Variants in TMEM37 observed in about 807,000 individuals in gnomAD.
The protein encoded by TMEM37 is transmembrane protein 37.
In TMEM37, 12 loss-of-function variants were observed where a neutral mutation model predicts 11.0. That is an observed-to-expected ratio of 1.09 (90% CI 0.70 to 1.76). TMEM37 has a LOEUF of 1.76. Ranked by LOEUF, TMEM37 falls within the 40% of genes most tolerant of loss-of-function variation. The probability of loss-of-function intolerance (pLI) is 0.00; values close to 1 mark genes in which losing one functional copy is unlikely to be tolerated. For synonymous variants in TMEM37, 127 were observed against 110.5 expected (o/e 1.15, Z -0.94); for missense variants, 203 against 251.2 (o/e 0.81, Z 1.30).
In TMEM37 at chr2:119,437,232, G is replaced by A. The variant is rs1682518283; in HGVS notation, c.365G>A (p.Cys122Tyr). The A allele has an allele frequency of 6.2e-7, 1 of 1,614,134 alleles. No individual in the cohort carries two copies. The highest frequency in any genetic ancestry group is 8.5e-7 in the Non-Finnish European group (1 of 1,180,054). The stretch of plus-strand genomic sequence containing the variant: ...TTGTGCGAGGACAAACACTCACAGT[G>A]CAAGTGGGTCATGGGTTCCATCCTC... The part of the protein sequence containing the change: ...SQLCEDKHSQ[C>Y]KWVMGSILLL... Residue 122 changes from cysteine to tyrosine, a missense_variant, in exon 2 of 2, where the codon TGC (cysteine) becomes TAC (tyrosine). Coordinates refer to ENST00000306406, the MANE Select transcript of TMEM37 (RefSeq NM_183240.3).
upstream of TMEM37, among the ~76,000 whole-genome samples, chr2:119,431,715 C>T (rs1682397768): frequency 6.6e-6 from 1 of 152,252 alleles, no homozygotes. Context: ...TCAGCGTAAT[C>T]CGAGCCGCGG....
Position 119,437,329 on chromosome 2 carries a change from A to G in TMEM37, c.462A>G (p.Thr154=). Residue 154 remains threonine, a synonymous_variant, in exon 2 of 2, where the codon ACA becomes ACG. Coordinates refer to ENST00000306406, the MANE Select transcript of TMEM37 (RefSeq NM_183240.3). Reference sequence around the variant, plus strand: ...TGATCCTCCTCAGGAACCAAGTCACACTCATCGGCTTCACCCTAATGTTTT... The same window carrying G: ...TGATCCTCCTCAGGAACCAAGTCACGCTCATCGGCTTCACCCTAATGTTTT... ...GFVILLRNQV[T]LIGFTLMFWC... The G allele has an allele frequency of 6.2e-6, 10 of 1,614,014 alleles. No individual in the cohort carries two copies. The highest frequency in any genetic ancestry group is 7.6e-6 in the Non-Finnish European group (9 of 1,179,984).
chr2:119,437,345 C>T lies in TMEM37; in HGVS notation c.478C>T (p.Leu160=), dbSNP rs369241044. 3.7e-6 allele frequency: 6 copies of T among 1,614,154 alleles called. No homozygotes were observed. The highest frequency in any genetic ancestry group is 4.2e-6 in the Non-Finnish European group (5 of 1,180,060). ...CCAAGTCACACTCATCGGCTTCACC[C>T]TAATGTTTTGGTGCGAATTCACTGC... is the stretch of plus-strand genomic sequence containing the variant. ...RNQVTLIGFT[L]MFWCEFTASF... is the part of the protein sequence containing the mutation. The change falls in exon 2 of 2, where the codon CTA becomes TTA. Residue 160 remains leucine (L), a synonymous_variant. Coordinates refer to ENST00000306406, the MANE Select transcript of TMEM37 (RefSeq NM_183240.3).
At chr2:119,430,169 C>T (rs111689469), upstream of TMEM37, 1,030 of 635,940 alleles carry the variant, frequency 1.6e-3, 5 homozygotes, top group African/African-American at 0.015. Context: ...GTGGGGGCCA[C>T]GGAGGGAAGG....
rs1437731396 is a variant in TMEM37, at chr2:119,438,482, A to G, written c.*1042A>G. ...TGCCAGCACGTCTGTACTTCTGTTC[A>G]TTAAAGTGCTCCCTTTCTAGTCCTT... On this transcript the variant is annotated 3_prime_UTR_variant, in exon 2 of 2. Transcript: ENST00000306406. The G allele has an allele frequency of 2.0e-5, 3 of 152,228 alleles. No individual in the cohort carries two copies. The highest frequency in any genetic ancestry group is 3.9e-4 in the East Asian group (2 of 5,192). The allele number at this position is 152,228 out of a possible 1,614,324, so 9.4% of individuals were successfully genotyped here.
At chr2:119,436,362 C>T (rs776110878) in intron 1 of TMEM37, among the ~76,000 whole-genome samples, 8 of 152,232 alleles carry the variant, frequency 5.3e-5, no homozygotes, top group African/African-American at 1.2e-4. Context: ...CTGGGCTGAA[C>T]GTGGACAGCT....
chr2:119,434,424 CA>C (rs1321419560), intron 1 of TMEM37, among the ~76,000 whole-genome samples: 1 of 151,772 alleles, frequency 6.6e-6, no homozygotes, highest in Non-Finnish European at 1.5e-5. Flanking sequence ...CACAGGTTTT[CA>C]AAGTTTCCTT....
rs147714955 is a variant in TMEM37, at chr2:119,437,034, G to A, written c.167G>A (p.Arg56His). ...GGGCACTGGCTCCTGGCTGAGGACCGCCTCTTCGGGCTCTGGCACTTCTGC... is the reference window on the plus strand; with the variant it reads ...GGGCACTGGCTCCTGGCTGAGGACCACCTCTTCGGGCTCTGGCACTTCTGC... ...CDGHWLLAED[R>H]LFGLWHFCTT... Residue 56 changes from arginine (R) to histidine (H), a missense_variant, in exon 2 of 2, where the codon CGC becomes CAC. Transcript: ENST00000306406. 34 of 1,613,028 alleles carry A rather than the reference G, an allele frequency of 2.1e-5. No homozygotes were observed. Among genetic ancestry groups the A allele is most frequent in the Non-Finnish European group, 2.8e-5 (33 of 1,179,874 alleles).
rs183638730 is a variant in TMEM37 at position 119,436,583 on chromosome 2, C to T, written c.22-306C>T. ...ATGCAGGCACGACAGGTTTTCTGAA[C>T]TCAGAACTGACTCAGATTTGCCAGT... On this transcript the variant is annotated intron_variant, in intron 1 of 1. Coordinates refer to ENST00000306406, the MANE Select transcript of TMEM37 (RefSeq NM_183240.3). Among the ~76,000 whole-genome samples, 212 of 152,188 alleles carry T rather than the reference C, an allele frequency of 1.4e-3. 2 individuals are homozygous for T. Among genetic ancestry groups the T allele is most frequent in the African/African-American group, 4.8e-3 (200 of 41,534 alleles).
At chr2:119,433,944 T>C (rs146642348) in intron 1 of TMEM37, among the ~76,000 whole-genome samples, 3 of 152,294 alleles carry the variant, frequency 2.0e-5, no homozygotes, top group African/African-American at 7.2e-5. Flanking sequence ...GAGCGGCCCG[T>C]GTACCATGCA....
At chr2:119,432,276 T>G (rs1682417345) in intron 1 of TMEM37, 1 of 237,990 alleles carries the variant, frequency 4.2e-6, no homozygotes, top group Non-Finnish European at 8.0e-6. Flanking sequence ...GGGTCCCCCT[T>G]TGTGAGAAAT....
chr2:119,432,006 G>A (rs1035781930), intron 1 of TMEM37, 82 bp downstream of exon 1: 27 of 938,598 alleles, frequency 2.9e-5, no homozygotes, highest in Non-Finnish European at 3.5e-5. Flanking sequence ...AGGGAGGGGC[G>A]TACCCACCGC....
rs190253660 is a variant in TMEM37, at chr2:119,437,889, A to T, written c.*449A>T. On this transcript the variant is annotated 3_prime_UTR_variant, in exon 2 of 2. Coordinates refer to ENST00000306406, the MANE Select transcript of TMEM37 (RefSeq NM_183240.3). ...CTCCCAGGGTTGTTAAGAATGGATC[A>T]TTCTTCCAGCTAAGGGTCCAATCAG... 1 of 161,526 alleles carries T rather than the reference A, an allele frequency of 6.2e-6. No individual in the cohort carries two copies. Among genetic ancestry groups the T allele is most frequent in the African/African-American group, 2.5e-5 (1 of 40,024 alleles). 10.0% of individuals were successfully genotyped at this position (161,526 alleles called of 1,614,324 possible). A position where few individuals can be genotyped will look rare whatever the true frequency, so the allele number is the denominator to read the frequency against.
At position 119,436,877 on chromosome 2, in the gene TMEM37, G is replaced by T. The variant is rs762526994; in HGVS notation, c.22-12G>T. On this transcript the variant is annotated splice_polypyrimidine_tract_variant and intron_variant, in intron 1 of 1. Coordinates refer to ENST00000306406, the MANE Select transcript of TMEM37 (RefSeq NM_183240.3). ...CTGTGGCTGACAGGGTGCTTCCTACGGTTTTTTCCAGGCCCAGAGGCCTTT... is the reference window on the plus strand; with the variant it reads ...CTGTGGCTGACAGGGTGCTTCCTACTGTTTTTTCCAGGCCCAGAGGCCTTT... 6.2e-7 allele frequency: 1 copy of T among 1,605,226 alleles called. No homozygotes were observed. The highest frequency in any genetic ancestry group is 8.5e-7 in the Non-Finnish European group (1 of 1,175,670).
chr2:119,437,432 TG>T lies in TMEM37; in HGVS notation c.568del (p.Glu190AsnfsTer40), dbSNP rs1682524465. 1 of 1,611,022 alleles carries T rather than the reference TG, an allele frequency of 6.2e-7. No individual in the cohort carries two copies. Among genetic ancestry groups the T allele is most frequent in the African/African-American group, 1.3e-5 (1 of 74,914 alleles). On this transcript the variant is annotated frameshift_variant, in exon 2 of 2. Transcript: ENST00000306406. LOFTEE classifies it high-confidence loss of function. ...GLHINSITHP[W>X]E ...TCACATCAACAGCATCACCCATCCCTGGGAATGACCGTGGAAATTTTAGGCC... is the reference window on the plus strand; with the variant it reads ...TCACATCAACAGCATCACCCATCCCTGGAATGACCGTGGAAATTTTAGGCC...
intron 1 of TMEM37, 52 bp from the exon 2 acceptor site, chr2:119,436,837 G>A: frequency 2.1e-6 from 3 of 1,461,630 alleles, no homozygotes; most frequent in Non-Finnish European, 1.9e-6. Context: ...AGAGGTTCCT[G>A]GGGGCGTGGC....
chr2:119,435,957 A>T (rs1682487261), intron 1 of TMEM37, among the ~76,000 whole-genome samples: 1 of 152,194 alleles, frequency 6.6e-6, no homozygotes, highest in Non-Finnish European at 1.5e-5. Flanking sequence ...AGTTCTAGAC[A>T]TGGGGAGAGG....
upstream of TMEM37, among the ~76,000 whole-genome samples, chr2:119,431,623 C>G (rs984584366): frequency 6.6e-6 from 1 of 151,534 alleles, no homozygotes; most frequent in Non-Finnish European, 1.5e-5. Flanking sequence ...ATCCTTTCCC[C>G]TGGGACCCGA....
upstream of TMEM37, among the ~76,000 whole-genome samples, chr2:119,431,303 A>G (rs1231571160): frequency 6.6e-6 from 1 of 152,206 alleles, no homozygotes; most frequent in African/African-American, 2.4e-5. Flanking sequence ...ATTGCCCCAA[A>G]AAGTTCCACT....
Sources: gnomAD v4.1 joint callset for allele counts (sites outside exome capture counted in the v4.1 genomes callset) on GRCh38, gnomAD v4.1.1 for gene constraint, MANE v1.5 for transcripts, NCBI Gene and HGNC (gene_info 2026-07-23, HGNC 2026-07-21) for gene names.